The following NTRK2 variants were observed in gnomAD, a reference collection of about 807,000 sequenced individuals.
NTRK2 encodes the protein BDNF/NT-3 growth factors receptor.
Under a neutral mutation model 94.5 loss-of-function variants are expected in NTRK2, and 13 were observed. The observed-to-expected ratio is 0.14, with a 90% CI of 0.09 to 0.22. NTRK2 has a LOEUF of 0.22. Ranked by LOEUF, NTRK2 falls within the 10% of genes least tolerant of loss-of-function variation. The pLI, the probability that NTRK2 is intolerant of heterozygous loss-of-function variation, is 1.00. For synonymous variants in NTRK2, 372 were observed against 407.4 expected, an observed-to-expected ratio of 0.91 and a Z score of 1.05; for missense variants, 639 against 1,071.2, an observed-to-expected ratio of 0.60 and a Z score of 5.63.
intron 10 of NTRK2, 146 bp from the exon 11 acceptor site, chr9:84,744,827 T>C: frequency 1.3e-6 from 1 of 762,184 alleles, no homozygotes; most frequent in South Asian, 1.4e-5. Flanking sequence ...AGCAGCCTGG[T>C]CACGTCCCTC....
chr9:84,989,367 G>T (rs1426846332), intron 17 of NTRK2, among the ~76,000 whole-genome samples: 1 of 151,922 alleles, frequency 6.6e-6, no homozygotes, highest in Non-Finnish European at 1.5e-5. Context: ...TTATTAACTA[G>T]ATATTTATGG....
chr9:84,830,345 G>C (rs2073459290), intron 12 of NTRK2, among the ~76,000 whole-genome samples: 1 of 152,126 alleles, frequency 6.6e-6, no homozygotes, highest in South Asian at 2.1e-4. Context: ...GGGCTTTATT[G>C]ATCCTTTATG....
At chr9:84,825,617 G>A (rs539617237) in intron 12 of NTRK2, among the ~76,000 whole-genome samples, 5 of 152,234 alleles carry the variant, frequency 3.3e-5, no homozygotes, top group Admixed American at 6.5e-5. Flanking sequence ...CATTCAGACA[G>A]CATGGCATGC....
intron 14 of NTRK2, chr9:84,876,259 A>G: frequency 9.6e-7 from 1 of 1,043,510 alleles, no homozygotes. Context: ...AGTTATATCA[A>G]AACAGCTAGT....
chr9:84,919,066 A>G (rs1424315886), intron 14 of NTRK2, among the ~76,000 whole-genome samples: 1 of 152,098 alleles, frequency 6.6e-6, no homozygotes, highest in Non-Finnish European at 1.5e-5. Flanking sequence ...TGAAACTTAC[A>G]TGCCACCACC....
rs572529476 is a variant in NTRK2 at position 84,844,530 on chromosome 9, C to T, written c.1397-16510C>T. On this transcript the variant is annotated intron_variant, in intron 12 of 18. Coordinates refer to ENST00000277120, the MANE Select transcript of NTRK2 (RefSeq NM_006180.6). ...CATAAATCTGTGGTCTTTTCCTGCC[C>T]TTCTGTTATAAACAGCTGACATTTC... 7.2e-5 allele frequency among the ~76,000 whole-genome samples: 11 copies of T among 152,048 alleles called. No homozygotes were observed. The South Asian group carries it at 2.3e-3, about 32-fold the overall frequency.
chr9:84,858,444 C>T (rs960498572), intron 12 of NTRK2, among the ~76,000 whole-genome samples: 1 of 152,102 alleles, frequency 6.6e-6, no homozygotes, highest in Non-Finnish European at 1.5e-5. Flanking sequence ...CCCAACCCCC[C>T]TTCCAGCTGC....
In NTRK2 at chr9:84,796,403, C is replaced by A. The variant is rs897853906; in HGVS notation, c.1396+44318C>A. On this transcript the variant is annotated intron_variant, in intron 12 of 18. Transcript: ENST00000277120. Reference sequence around the variant, plus strand: ...TTACCTTCTAGCTATATCTCAGTGGCCAGAGTTATGTCACGAGCCCACACT... The same window carrying A: ...TTACCTTCTAGCTATATCTCAGTGGACAGAGTTATGTCACGAGCCCACACT... 2.0e-5 allele frequency among the ~76,000 whole-genome samples: 3 copies of A among 152,056 alleles called. No homozygotes were observed. In the South Asian group the frequency reaches 6.2e-4, roughly 32 times the overall value.
At chr9:84,946,591 A>G (rs2078606305) in intron 15 of NTRK2, among the ~76,000 whole-genome samples, 3 of 152,228 alleles carry the variant, frequency 2.0e-5, no homozygotes, top group African/African-American at 7.2e-5. Flanking sequence ...AGGGGTGGTC[A>G]GGGAACACTT....
At chr9:84,870,331 G>GTGTGTGTGTGTATATATATATATA (rs1349303529) in intron 14 of NTRK2, among the ~76,000 whole-genome samples, 19 of 31,180 alleles carry the variant, frequency 6.1e-4, no homozygotes, top group South Asian at 3.0e-3. Context: ...GTGTGTGTGT[G>GTGTGTGTGTGTATATATATATATA]TATATATATA....
In NTRK2 at chr9:84,914,223, T is replaced by A. The variant is rs183911549; in HGVS notation, c.1634-19939T>A. On this transcript the variant is annotated intron_variant, in intron 14 of 18. Transcript: ENST00000277120. ...TTTCTTTCCCGGCACTTACTATTTT[T>A]TATTTGTTTAAATTGTATTTGTAAT... is the stretch of plus-strand genomic sequence containing the variant. Among the ~76,000 whole-genome samples, 3 of 152,296 alleles carry A rather than the reference T, an allele frequency of 2.0e-5. No homozygotes were observed. The East Asian group carries it at 5.8e-4, about 29-fold the overall frequency.
chr9:84,848,726 G>A (rs973859682), intron 12 of NTRK2, among the ~76,000 whole-genome samples: 1 of 152,076 alleles, frequency 6.6e-6, no homozygotes, highest in Non-Finnish European at 1.5e-5. Flanking sequence ...CATACCCGGC[G>A]CCAAATGATC....
intron 6 of NTRK2, among the ~76,000 whole-genome samples, chr9:84,715,546 C>T (rs2061664012): frequency 6.6e-6 from 1 of 152,070 alleles, no homozygotes; most frequent in Non-Finnish European, 1.5e-5. Flanking sequence ...CCTTCTAAAC[C>T]TTAGAAAAAC....
intron 12 of NTRK2, chr9:84,812,580 A>G (rs984115739): frequency 6.7e-6 from 7 of 1,046,550 alleles, no homozygotes; most frequent in African/African-American, 1.7e-5. Flanking sequence ...AGCAGAAATC[A>G]TGACCCTGAA....
intron 12 of NTRK2, among the ~76,000 whole-genome samples, chr9:84,860,213 T>C (rs2075266868): frequency 6.6e-6 from 1 of 152,214 alleles, no homozygotes; most frequent in African/African-American, 2.4e-5. Flanking sequence ...TATTCAGGTA[T>C]TTCCCCACTG....
chr9:85,020,389 C>A, intron 18 of NTRK2, 25 bp downstream of exon 18: 1 of 1,613,690 alleles, frequency 6.2e-7, no homozygotes, highest in Non-Finnish European at 8.5e-7. Context: ...TGGCCAAGAC[C>A]CTCCAGAGGG....
chr9:84,748,826 A>T (rs1016935283), intron 11 of NTRK2, among the ~76,000 whole-genome samples: 6 of 152,242 alleles, frequency 3.9e-5, no homozygotes, highest in South Asian at 2.1e-4. Flanking sequence ...AAAGATTTTT[A>T]AAAAACACCC....
At chr9:84,744,763 G>C (rs1430823636) in intron 10 of NTRK2, among the ~76,000 whole-genome samples, 1 of 152,136 alleles carries the variant, frequency 6.6e-6, no homozygotes, top group Non-Finnish European at 1.5e-5. Flanking sequence ...TAAAGGTCTG[G>C]GTTGAATAAA....
intron 12 of NTRK2, among the ~76,000 whole-genome samples, chr9:84,771,451 C>G (rs538085593): frequency 1.2e-4 from 18 of 152,296 alleles, no homozygotes; most frequent in African/African-American, 3.8e-4. Flanking sequence ...GCATGGCCAT[C>G]TAGATGGACT....
Sources: allele counts gnomAD v4.1 joint callset (sites outside exome capture counted in the v4.1 genomes callset), GRCh38; gene constraint gnomAD v4.1.1; transcripts MANE v1.5; gene names NCBI Gene and HGNC (gene_info 2026-07-23, HGNC 2026-07-21).